The following SCN8A variants were observed in gnomAD, a reference collection of about 807,000 sequenced individuals.
The protein encoded by SCN8A is sodium channel protein type 8 subunit alpha.
In SCN8A, 30 loss-of-function variants were observed where a neutral mutation model predicts 184.1. That is an observed-to-expected ratio of 0.16 (90% CI 0.12 to 0.22). The LOEUF (loss-of-function observed/expected upper bound fraction) is 0.22. Ranked by LOEUF, SCN8A falls within the 10% of genes least tolerant of loss-of-function variation. The pLI is 1.00. For synonymous variants in SCN8A, 852 were observed against 907.0 expected (o/e 0.94, Z 1.09); for missense variants, 1,057 against 2,498.9 (o/e 0.42, Z 12.30).
At chr12:51,639,819 C>G (rs2138629793) in intron 1 of SCN8A, among the ~76,000 whole-genome samples, 1 of 139,936 alleles carries the variant, frequency 7.1e-6, no homozygotes, top group East Asian at 2.1e-4. Context: ...GCTAAAGGCT[C>G]AGGTGATCAT....
chr12:51,769,744 TGTA>T, intron 17 of SCN8A, 121 bp from the exon 18 acceptor site: 5 of 698,316 alleles, frequency 7.2e-6, no homozygotes, highest in South Asian at 6.5e-5. Flanking sequence ...TATCGCGAGT[TGTA>T]GTAAGAATTC....
chr12:51,681,343 C>G (rs1941329183), intron 2 of SCN8A, among the ~76,000 whole-genome samples: 1 of 152,166 alleles, frequency 6.6e-6, no homozygotes, highest in Non-Finnish European at 1.5e-5. Context: ...GTGTTCCTCT[C>G]CTGAGCTTTT....
Position 51,808,527 on chromosome 12 carries a change from A to G in SCN8A, c.*1098A>G, listed in dbSNP as rs1001490640. The G allele has an allele frequency of 1.0e-4, 16 of 152,594 alleles. No homozygotes were observed. The highest frequency in any genetic ancestry group is 3.6e-4 in the African/African-American group (15 of 41,432). The allele number at this position is 152,594 out of a possible 1,614,324, so 9.5% of individuals were successfully genotyped here. On this transcript the variant is annotated 3_prime_UTR_variant, in exon 27 of 27. Coordinates refer to ENST00000627620, the MANE Select transcript of SCN8A (RefSeq NM_001330260.2). ...AATCCTAGGGCTAAAAAAAAAATTCATTTGTATCTTGCAATATTTATGACG... is the reference window on the plus strand; with the variant it reads ...AATCCTAGGGCTAAAAAAAAAATTCGTTTGTATCTTGCAATATTTATGACG...
At chr12:51,701,755 C>T (rs74091612) in intron 8 of SCN8A, among the ~76,000 whole-genome samples, 8,648 of 152,122 alleles carry the variant, frequency 0.057, 382 homozygotes, top group African/African-American at 0.11. Flanking sequence ...TGTAAGGATC[C>T]ACTTACATTA....
At chr12:51,606,903 T>A (rs1188054299) in intron 1 of SCN8A, among the ~76,000 whole-genome samples, 2 of 151,316 alleles carry the variant, frequency 1.3e-5, no homozygotes, top group Admixed American at 6.6e-5. Flanking sequence ...TTTATTTATT[T>A]ATTTTTTTTT....
chr12:51,761,443 C>CTATT (rs147096948), intron 14 of SCN8A, among the ~76,000 whole-genome samples: 14,357 of 149,930 alleles, frequency 0.096, 1,166 homozygotes, highest in African/African-American at 0.22. Context: ...ATTTTATTCA[C>CTATT]TATTTATTTA....
At chr12:51,779,198 C>A (rs534787746) in intron 20 of SCN8A, among the ~76,000 whole-genome samples, 1 of 136,782 alleles carries the variant, frequency 7.3e-6, no homozygotes, top group Admixed American at 8.2e-5. Context: ...CCAGCCTGAG[C>A]GACAGAGTGA....
intron 6 of SCN8A, among the ~76,000 whole-genome samples, chr12:51,694,144 G>A (rs546158443): frequency 1.1e-4 from 16 of 152,262 alleles, no homozygotes; most frequent in African/African-American, 3.9e-4. Flanking sequence ...TGTTGGCCAG[G>A]CTGGTCTTGA....
chr12:51,689,111 A>G lies in SCN8A; in HGVS notation c.706+15A>G, dbSNP rs1425461215. 1 of 1,578,028 alleles carries G rather than the reference A, an allele frequency of 6.3e-7. No homozygotes were observed. The highest frequency in any genetic ancestry group is 1.8e-5 in the Admixed American group (1 of 56,820). ...TGTAATTCCAGGTGAGAAAATTTGT[A>G]CATAAGACTGACTTTGCCACATCTC... On this transcript the variant is annotated intron_variant, in intron 6 of 26. Transcript: ENST00000627620.
At chr12:51,709,025 A>G (rs1362353346) in intron 11 of SCN8A, among the ~76,000 whole-genome samples, 1 of 152,230 alleles carries the variant, frequency 6.6e-6, no homozygotes, top group Non-Finnish European at 1.5e-5. Context: ...AGAAAAGCAC[A>G]GATCTATCCC....
chr12:51,724,061 G>GA, intron 12 of SCN8A, among the ~76,000 whole-genome samples: 1 of 152,252 alleles, frequency 6.6e-6, no homozygotes, highest in Non-Finnish European at 1.5e-5. Flanking sequence ...CTCTTCTCAA[G>GA]ACCTACTTAT....
chr12:51,803,512 A>G (rs1395079470), intron 26 of SCN8A, among the ~76,000 whole-genome samples: 2 of 152,026 alleles, frequency 1.3e-5, no homozygotes, highest in Non-Finnish European at 2.9e-5. Flanking sequence ...GAATTGGGGT[A>G]AAACTAGCTC....
intron 12 of SCN8A, among the ~76,000 whole-genome samples, chr12:51,728,507 G>T (rs545689674): frequency 6.6e-6 from 1 of 152,270 alleles, no homozygotes; most frequent in South Asian, 2.1e-4. Flanking sequence ...GCTGAGGCAG[G>T]AAAATTGCTT....
At chr12:51,637,924 A>G (rs1940354495) in intron 1 of SCN8A, among the ~76,000 whole-genome samples, 1 of 152,212 alleles carries the variant, frequency 6.6e-6, no homozygotes, top group African/African-American at 2.4e-5. Flanking sequence ...AGAGTTTCAA[A>G]GGACAGGCTG....
At chr12:51,666,338 T>G (rs1941032773) in intron 2 of SCN8A, among the ~76,000 whole-genome samples, 1 of 152,034 alleles carries the variant, frequency 6.6e-6, no homozygotes, top group South Asian at 2.1e-4. Flanking sequence ...AAGATCAGAG[T>G]GATTTTTTTG....
At chr12:51,679,924 C>T (rs1295022675) in intron 2 of SCN8A, among the ~76,000 whole-genome samples, 1 of 151,950 alleles carries the variant, frequency 6.6e-6, no homozygotes, top group East Asian at 1.9e-4. Context: ...TGGGGTTTTA[C>T]CATATTGGTC....
At chr12:51,677,757 A>G (rs1941248937) in intron 2 of SCN8A, among the ~76,000 whole-genome samples, 1 of 152,122 alleles carries the variant, frequency 6.6e-6, no homozygotes, top group East Asian at 1.9e-4. Context: ...CCATGCCATA[A>G]CTCGTTAAGA....
At chr12:51,606,008 A>T (rs2138567503) in intron 1 of SCN8A, among the ~76,000 whole-genome samples, 1 of 151,996 alleles carries the variant, frequency 6.6e-6, no homozygotes, top group South Asian at 2.1e-4. Flanking sequence ...CCTTTTTCAG[A>T]TATATAGATT....
chr12:51,692,335 A>G (rs572343423), intron 6 of SCN8A, among the ~76,000 whole-genome samples: 2 of 152,284 alleles, frequency 1.3e-5, no homozygotes, highest in South Asian at 2.1e-4. Context: ...TATTCTGAGT[A>G]TGTCAGGGCC....
Sources: allele counts gnomAD v4.1 joint callset (sites outside exome capture counted in the v4.1 genomes callset), GRCh38; gene constraint gnomAD v4.1.1; transcripts MANE v1.5; gene names NCBI Gene and HGNC (gene_info 2026-07-23, HGNC 2026-07-21).